The following GPHN variants were observed in gnomAD, a reference collection of about 807,000 sequenced individuals.
GPHN encodes the protein gephyrin.
In GPHN, 17 loss-of-function variants were observed where a neutral mutation model predicts 95.5. The ratio of observed to expected loss-of-function variants is 0.18; its 90% CI spans 0.12 to 0.27. GPHN has a LOEUF of 0.27. GPHN is among the 10% of genes least tolerant of loss of function. The pLI is 1.00. For missense variants in GPHN, 660 were observed against 978.1 expected, an observed-to-expected ratio of 0.67 and a Z score of 4.34; for synonymous variants, 320 against 322.5, an observed-to-expected ratio of 0.99 and a Z score of 0.08.
chr14:67,248,246 A>C, the GPHN span, among the ~76,000 whole-genome samples: 21 of 152,224 alleles, frequency 1.4e-4, no homozygotes, highest in African/African-American at 3.1e-4. Context: ...AAAATGAAGG[A>C]GCAATGTCAC....
chr14:67,047,835 C>G (rs1298451662), intron 10 of GPHN, among the ~76,000 whole-genome samples: 2 of 152,122 alleles, frequency 1.3e-5, no homozygotes, highest in African/African-American at 2.4e-5. Flanking sequence ...GTGGTGTGCA[C>G]CTGTGGTGCC....
chr14:66,872,221 T>C (rs1036454443), intron 4 of GPHN, among the ~76,000 whole-genome samples: 1 of 152,226 alleles, frequency 6.6e-6, no homozygotes, highest in African/African-American at 2.4e-5. Flanking sequence ...TACAATCTTA[T>C]TGAAGAGTAG....
At chr14:67,465,130 C>T in the GPHN span, among the ~76,000 whole-genome samples, 1 of 152,254 alleles carries the variant, frequency 6.6e-6, no homozygotes, top group Admixed American at 6.5e-5. Context: ...TGTAGCCACT[C>T]TGCTGGTGAC....
intron 11 of GPHN, among the ~76,000 whole-genome samples, chr14:67,064,424 G>A (rs1285325133): frequency 6.6e-6 from 1 of 152,090 alleles, no homozygotes; most frequent in Non-Finnish European, 1.5e-5. Flanking sequence ...CCAGGTTTTG[G>A]TATCAAGATG....
rs141367071 is a variant in GPHN, at chr14:66,684,429, A to G, written c.143+3244A>G. On this transcript the variant is annotated intron_variant, in intron 2 of 22. Transcript: ENST00000478722. ...TTATTAAGAATATATGATATAAAAC[A>G]ATGTTTAAACCAAGAGTAGTCAGAG... is the stretch of plus-strand genomic sequence containing the variant. 3.0e-3 allele frequency among the ~76,000 whole-genome samples: 456 copies of G among 152,334 alleles called. 3 individuals are homozygous for G. The highest frequency in any genetic ancestry group is 0.011 in the African/African-American group (438 of 41,568).
intron 8 of GPHN, among the ~76,000 whole-genome samples, chr14:66,962,860 T>G (rs2069049489): frequency 6.6e-6 from 1 of 151,862 alleles, no homozygotes; most frequent in Admixed American, 6.6e-5. Flanking sequence ...ACCAAATAAT[T>G]TATCTTCCAA....
At chr14:66,609,088 A>G (rs2062671222) in intron 1 of GPHN, among the ~76,000 whole-genome samples, 1 of 152,128 alleles carries the variant, frequency 6.6e-6, no homozygotes, top group Non-Finnish European at 1.5e-5. Flanking sequence ...TATGGGCTAT[A>G]TGCTTAATTG....
At chr14:66,605,116 G>A (rs773214550) in intron 1 of GPHN, among the ~76,000 whole-genome samples, 5 of 152,116 alleles carry the variant, frequency 3.3e-5, no homozygotes, top group Non-Finnish European at 7.4e-5. Context: ...GGGCACCTAG[G>A]TTGATTCCAT....
chr14:66,856,881 T>A (rs1350516754), intron 4 of GPHN, among the ~76,000 whole-genome samples: 1 of 152,100 alleles, frequency 6.6e-6, no homozygotes, highest in Non-Finnish European at 1.5e-5. Context: ...TCTTGATGTA[T>A]GCCAAAAAGA....
At chr14:67,662,256 A>G in the GPHN span, among the ~76,000 whole-genome samples, 2 of 152,124 alleles carry the variant, frequency 1.3e-5, no homozygotes, top group African/African-American at 4.8e-5. Context: ...CATCAGCAAT[A>G]TATTACCAAA....
chr14:66,937,429 G>A (rs545956400), intron 8 of GPHN, among the ~76,000 whole-genome samples: 10 of 151,018 alleles, frequency 6.6e-5, no homozygotes, highest in African/African-American at 2.4e-4. Flanking sequence ...TCGCCAGGCT[G>A]GAGCGCAGTG....
the GPHN span, among the ~76,000 whole-genome samples, chr14:67,259,322 A>G: frequency 6.6e-6 from 1 of 151,834 alleles, no homozygotes; most frequent in Non-Finnish European, 1.5e-5. Context: ...TTAAGTGAGT[A>G]AGGCCAGGCT....
chr14:66,690,214 T>C (rs2067679829), intron 2 of GPHN, among the ~76,000 whole-genome samples: 1 of 152,102 alleles, frequency 6.6e-6, no homozygotes, highest in Non-Finnish European at 1.5e-5. Flanking sequence ...GTATCTCATA[T>C]TTTTTGGTAT....
rs1247026948 is a variant in GPHN, at chr14:66,648,144, A to G, written c.65-32963A>G. On this transcript the variant is annotated intron_variant, in intron 1 of 22. Transcript: ENST00000478722. ...AACTGTGTTCACTTGGAGATATTCT[A>G]TAGTGCTTTGACTCTGGTTTACTAC... is the stretch of plus-strand genomic sequence containing the variant. Among the ~76,000 whole-genome samples, 11 of 152,310 alleles carry G rather than the reference A, an allele frequency of 7.2e-5. No homozygotes were observed. In the South Asian group the frequency reaches 2.1e-3, roughly 29 times the overall value.
the GPHN span, among the ~76,000 whole-genome samples, chr14:67,416,678 C>T: frequency 6.6e-6 from 1 of 152,188 alleles, no homozygotes; most frequent in African/African-American, 2.4e-5. Context: ...TGAGAATGTC[C>T]GTGTACAAAG....
At chr14:66,782,591 G>A (rs1456079288) in intron 3 of GPHN, among the ~76,000 whole-genome samples, 2 of 152,074 alleles carry the variant, frequency 1.3e-5, no homozygotes, top group South Asian at 4.1e-4. Flanking sequence ...AGGCCAAGGC[G>A]GGCGGATCAC....
chr14:66,614,652 AT>A (rs996243981), intron 1 of GPHN, among the ~76,000 whole-genome samples: 4 of 149,894 alleles, frequency 2.7e-5, no homozygotes, highest in South Asian at 2.1e-4. Flanking sequence ...AATAGTGCAT[AT>A]TTTTTGTCTC....
the GPHN span, among the ~76,000 whole-genome samples, chr14:67,417,600 T>TA: frequency 4.9e-4 from 72 of 148,312 alleles, no homozygotes; most frequent in African/African-American, 1.6e-3. Flanking sequence ...CTTGGTTAAT[T>TA]AAAAAAAATT....
intron 7 of GPHN, 132 bp downstream of exon 7, chr14:66,923,070 TC>T: frequency 6.7e-6 from 5 of 742,588 alleles, no homozygotes; most frequent in Non-Finnish European, 9.5e-6. Flanking sequence ...AAGTGGGATG[TC>T]CATGACACTC....
Sources: gnomAD v4.1 joint callset for allele counts (sites outside exome capture counted in the v4.1 genomes callset) on GRCh38, gnomAD v4.1.1 for gene constraint, MANE v1.5 for transcripts, NCBI Gene and HGNC (gene_info 2026-07-23, HGNC 2026-07-21) for gene names.